The following ADD3 variants were observed in gnomAD, a reference collection of about 807,000 sequenced individuals.
The protein encoded by ADD3 is gamma-adducin.
ADD3 carries 25 observed loss-of-function variants against 80.2 expected under a neutral mutation model. That is an observed-to-expected ratio of 0.31 (90% CI 0.23 to 0.44). ADD3 has a LOEUF of 0.44. Ranked by LOEUF, ADD3 falls within the 20% of genes least tolerant of loss-of-function variation. The pLI is 1.00. For missense variants in ADD3, 829 were observed against 847.5 expected (o/e 0.98, Z 0.27); for synonymous variants, 284 against 289.6 (o/e 0.98, Z 0.20).
intron 1 of ADD3, among the ~76,000 whole-genome samples, chr10:110,013,902 A>G (rs1278652102): frequency 1.3e-5 from 2 of 152,190 alleles, no homozygotes; most frequent in East Asian, 1.9e-4. Flanking sequence ...CTGAGTTTTT[A>G]GTGTCATGGG....
intron 1 of ADD3, among the ~76,000 whole-genome samples, chr10:110,038,611 G>A (rs1273086140): frequency 6.6e-6 from 1 of 152,132 alleles, no homozygotes; most frequent in Admixed American, 6.5e-5. Flanking sequence ...CTCTTTAAAA[G>A]CACGTTGTCT....
chr10:110,041,093 T>C (rs1856303187), intron 1 of ADD3, among the ~76,000 whole-genome samples: 1 of 152,182 alleles, frequency 6.6e-6, no homozygotes, highest in South Asian at 2.1e-4. Flanking sequence ...TGGAAGAATA[T>C]GTGGGTGATA....
intron 1 of ADD3, among the ~76,000 whole-genome samples, chr10:110,052,343 C>A (rs1230586274): frequency 6.6e-6 from 1 of 152,208 alleles, no homozygotes; most frequent in Non-Finnish European, 1.5e-5. Context: ...GGCCCCGGAC[C>A]AGTACCTGTT....
intron 1 of ADD3, among the ~76,000 whole-genome samples, chr10:110,073,138 CTTTT>C (rs1189793476): frequency 2.0e-4 from 19 of 94,220 alleles, no homozygotes; most frequent in African/African-American, 8.6e-4. Context: ...TTTTAGTTTT[CTTTT>C]TTTTTTTTTT....
At chr10:110,089,224 GACTT>G (rs10616029) in intron 1 of ADD3, among the ~76,000 whole-genome samples, 2,710 of 152,062 alleles carry the variant, frequency 0.018, 70 homozygotes, top group African/African-American at 0.06. Flanking sequence ...AAGAATCAAA[GACTT>G]ACGGTATCTC....
chr10:110,121,927 A>G, intron 8 of ADD3, 183 bp from the exon 9 acceptor site: 1 of 463,336 alleles, frequency 2.2e-6, no homozygotes, highest in Middle Eastern at 5.7e-4. Context: ...TTTCTTTTTC[A>G]GATAGGTGGA....
At chr10:110,050,025 G>C (rs1456707423) in intron 1 of ADD3, among the ~76,000 whole-genome samples, 1 of 152,166 alleles carries the variant, frequency 6.6e-6, no homozygotes, top group Non-Finnish European at 1.5e-5. Flanking sequence ...ACTGTATCCA[G>C]GATGTAACTA....
At chr10:110,084,124 C>G (rs1389317574) in intron 1 of ADD3, among the ~76,000 whole-genome samples, 1 of 152,186 alleles carries the variant, frequency 6.6e-6, no homozygotes. Flanking sequence ...CAAGCAATTT[C>G]AGTGGACCTT....
In ADD3 at chr10:110,133,582, G is replaced by T; in HGVS notation, c.2085G>T (p.Leu695=). 6.3e-7 allele frequency: 1 copy of T among 1,589,582 alleles called. No individual in the cohort carries two copies. The highest frequency in any genetic ancestry group is 8.5e-7 in the Non-Finnish European group (1 of 1,171,424). Residue 695 remains leucine, a synonymous_variant, in exon 15 of 15, where the codon CTG becomes CTT. Coordinates refer to ENST00000356080, the MANE Select transcript of ADD3 (RefSeq NM_016824.5). ...KKKKFRTPSF[L]KKNKKKEKVE... ...AGAAATTCCGCACTCCTTCTTTTCT[G>T]AAAAAGAACAAAAAAAAGGAGAAAG...
chr10:110,128,696 C>T (rs957063643), intron 12 of ADD3, among the ~76,000 whole-genome samples: 1 of 152,176 alleles, frequency 6.6e-6, no homozygotes, highest in African/African-American at 2.4e-5. Flanking sequence ...GGATTACAGG[C>T]GTGAGCCACC....
chr10:110,039,210 G>A (rs1324232408), intron 1 of ADD3, among the ~76,000 whole-genome samples: 1 of 151,498 alleles, frequency 6.6e-6, no homozygotes, highest in Non-Finnish European at 1.5e-5. Flanking sequence ...TAATCATGTT[G>A]TTGCTTGCCC....
At chr10:110,009,239 G>T (rs1412938772) in intron 1 of ADD3, among the ~76,000 whole-genome samples, 1 of 152,188 alleles carries the variant, frequency 6.6e-6, no homozygotes, top group Non-Finnish European at 1.5e-5. Flanking sequence ...GTTTGGGGAA[G>T]GAATTGATAA....
At chr10:110,069,526 CAT>C (rs1844407763) in intron 1 of ADD3, among the ~76,000 whole-genome samples, 1 of 152,138 alleles carries the variant, frequency 6.6e-6, no homozygotes, top group Admixed American at 6.5e-5. Flanking sequence ...CCTTACAAAA[CAT>C]AATGCTTATT....
intron 3 of ADD3, among the ~76,000 whole-genome samples, chr10:110,114,296 A>AT (rs1323922319): frequency 6.6e-6 from 1 of 152,220 alleles, no homozygotes; most frequent in South Asian, 2.1e-4. Flanking sequence ...AAATTATGCT[A>AT]TTTTTTGTGG....
chr10:110,126,905 T>G, intron 12 of ADD3, among the ~76,000 whole-genome samples: 1 of 152,358 alleles, frequency 6.6e-6, no homozygotes. Flanking sequence ...TTTTAGACCT[T>G]GACTATTTTT....
intron 1 of ADD3, among the ~76,000 whole-genome samples, chr10:110,096,312 GT>G (rs1848145500): frequency 8.3e-6 from 1 of 120,406 alleles, no homozygotes; most frequent in African/African-American, 7.9e-5. Flanking sequence ...CCTCTCTCCA[GT>G]CTCCAGTAGC....
chr10:110,070,164 C>T (rs896158507), intron 1 of ADD3, among the ~76,000 whole-genome samples: 2 of 152,110 alleles, frequency 1.3e-5, no homozygotes, highest in African/African-American at 4.8e-5. Flanking sequence ...CAAATAGGCT[C>T]CTTTCTCTGA....
At chr10:110,078,624 AGTT>A (rs1475984259) in intron 1 of ADD3, among the ~76,000 whole-genome samples, 3 of 152,212 alleles carry the variant, frequency 2.0e-5, no homozygotes, top group African/African-American at 7.2e-5. Flanking sequence ...TACAGCTATT[AGTT>A]GTGTAGCCTT....
intron 12 of ADD3, among the ~76,000 whole-genome samples, chr10:110,127,896 T>C (rs1852381458): frequency 6.6e-6 from 1 of 152,142 alleles, no homozygotes; most frequent in South Asian, 2.1e-4. Flanking sequence ...GTGGTAACAG[T>C]CTGAAATGCC....
Sources: allele counts gnomAD v4.1 joint callset (sites outside exome capture counted in the v4.1 genomes callset), GRCh38; gene constraint gnomAD v4.1.1; transcripts MANE v1.5; gene names NCBI Gene and HGNC (gene_info 2026-07-23, HGNC 2026-07-21).